Variants in PPP2R2B observed in about 807,000 individuals in gnomAD.
PPP2R2B encodes serine/threonine-protein phosphatase 2A 55 kDa regulatory subunit B beta isoform.
PPP2R2B carries 5 observed loss-of-function variants against 46.0 expected under a neutral mutation model. The ratio of observed to expected loss-of-function variants is 0.11; its 90% confidence interval spans 0.06 to 0.23. The LOEUF (loss-of-function observed/expected upper bound fraction) is 0.23, where lower values mean the gene tolerates loss of function less well. Among genes scored for constraint, PPP2R2B ranks in the 10% least tolerant of loss-of-function variants. The pLI is 1.00. For missense variants in PPP2R2B, 367 were observed against 575.0 expected (o/e 0.64, Z 3.70); for synonymous variants, 215 against 206.7 (o/e 1.04, Z -0.34).
At chr5:147,048,703 A>G (rs139245688) in intron 1 of PPP2R2B, among the ~76,000 whole-genome samples, 78 of 152,294 alleles carry the variant, frequency 5.1e-4, no homozygotes, top group African/African-American at 1.9e-3. Context: ...TGAGTAATGG[A>G]AGGTCATCCA....
At chr5:146,756,196 C>T (rs1230486987) in intron 2 of PPP2R2B, among the ~76,000 whole-genome samples, 1 of 152,106 alleles carries the variant, frequency 6.6e-6, no homozygotes, top group Non-Finnish European at 1.5e-5. Context: ...TTCCATAGAG[C>T]TTGGGAATAA....
chr5:146,928,212 G>A (rs970439077), intron 1 of PPP2R2B, among the ~76,000 whole-genome samples: 1 of 151,818 alleles, frequency 6.6e-6, no homozygotes, highest in African/African-American at 2.4e-5. Context: ...TATTCCTTTG[G>A]TGATTTCATC....
intron 1 of PPP2R2B, among the ~76,000 whole-genome samples, chr5:146,972,070 C>T (rs1259964506): frequency 6.6e-6 from 1 of 152,168 alleles, no homozygotes; most frequent in African/African-American, 2.4e-5. Context: ...TCTCCTTAGT[C>T]TCACCTGGTT....
At chr5:146,863,319 C>CTAA (rs1463993226) in intron 2 of PPP2R2B, among the ~76,000 whole-genome samples, 1 of 152,064 alleles carries the variant, frequency 6.6e-6, no homozygotes, top group African/African-American at 2.4e-5. Context: ...CTAAACTGTC[C>CTAA]TAATCTCTTC....
chr5:146,892,210 G>A (rs1483701729), intron 1 of PPP2R2B, among the ~76,000 whole-genome samples: 1 of 152,192 alleles, frequency 6.6e-6, no homozygotes, highest in African/African-American at 2.4e-5. Flanking sequence ...AGACTTAGAA[G>A]AGCAAAGGTC....
chr5:147,066,887 G>A (rs912302229), intron 2 of PPP2R2B, among the ~76,000 whole-genome samples: 3 of 152,086 alleles, frequency 2.0e-5, no homozygotes, highest in Non-Finnish European at 4.4e-5. Flanking sequence ...CTGCTGATGT[G>A]ATTAGCCTGG....
At chr5:146,792,227 T>A (rs1356613080) in intron 2 of PPP2R2B, among the ~76,000 whole-genome samples, 1 of 152,200 alleles carries the variant, frequency 6.6e-6, no homozygotes, top group African/African-American at 2.4e-5. Flanking sequence ...TAATTTTTGA[T>A]TAAGCAAACT....
At chr5:147,022,413 T>C (rs959002177) in intron 1 of PPP2R2B, among the ~76,000 whole-genome samples, 1 of 149,104 alleles carries the variant, frequency 6.7e-6, no homozygotes, top group Non-Finnish European at 1.5e-5. Context: ...AAAAAAAAAA[T>C]TGTTGGGTGT....
intron 2 of PPP2R2B, among the ~76,000 whole-genome samples, chr5:146,802,742 G>A (rs1000406746): frequency 2.6e-5 from 4 of 152,164 alleles, no homozygotes; most frequent in African/African-American, 9.7e-5. Context: ...ATATCATGGT[G>A]GGGATGGGAT....
chr5:146,756,669 G>A (rs542413619), intron 2 of PPP2R2B, among the ~76,000 whole-genome samples: 1 of 152,282 alleles, frequency 6.6e-6, no homozygotes, highest in Admixed American at 6.5e-5. Context: ...TTTCTTATCT[G>A]AAAAATGGGG....
chr5:146,901,823 G>A (rs1422457342), intron 1 of PPP2R2B, among the ~76,000 whole-genome samples: 2 of 152,110 alleles, frequency 1.3e-5, no homozygotes, highest in African/African-American at 2.4e-5. Context: ...TGTGATGAGT[G>A]GTTGCATTAG....
intron 1 of PPP2R2B, among the ~76,000 whole-genome samples, chr5:146,993,277 CTA>C (rs1400601685): frequency 6.6e-6 from 1 of 150,604 alleles, no homozygotes; most frequent in Non-Finnish European, 1.5e-5. Context: ...GGGTCTCGCA[CTA>C]TCACCCAGGC....
intron 2 of PPP2R2B, among the ~76,000 whole-genome samples, chr5:146,711,557 A>C (rs545837668): frequency 6.6e-6 from 1 of 152,332 alleles, no homozygotes; most frequent in Non-Finnish European, 1.5e-5. Context: ...AATAACAGGA[A>C]GAGAAAGCAG....
intron 2 of PPP2R2B, among the ~76,000 whole-genome samples, chr5:146,756,761 T>C (rs1470767993): frequency 6.6e-6 from 1 of 152,224 alleles, no homozygotes; most frequent in Non-Finnish European, 1.5e-5. Context: ...AAAGAATGCC[T>C]GATGCATAGT....
chr5:146,842,916 C>T (rs772339865), intron 2 of PPP2R2B, among the ~76,000 whole-genome samples: 33 of 152,306 alleles, frequency 2.2e-4, no homozygotes, highest in Middle Eastern at 6.8e-3. Context: ...TGGCTGGGCG[C>T]GGTGGCTCAC....
intron 1 of PPP2R2B, among the ~76,000 whole-genome samples, chr5:147,047,682 CT>C (rs1419341426): frequency 6.6e-6 from 1 of 152,050 alleles, no homozygotes; most frequent in Non-Finnish European, 1.5e-5. Context: ...AATAAAATGA[CT>C]TTCTGTGTAT....
chr5:147,070,764 T>C (rs1049547448), intron 2 of PPP2R2B, among the ~76,000 whole-genome samples: 8 of 152,134 alleles, frequency 5.3e-5, no homozygotes, highest in African/African-American at 1.7e-4. Flanking sequence ...ACATCCTCAT[T>C]CCTTGCTGCA....
intron 2 of PPP2R2B, among the ~76,000 whole-genome samples, chr5:147,071,674 T>C (rs1757604668): frequency 6.6e-6 from 1 of 152,192 alleles, no homozygotes; most frequent in Non-Finnish European, 1.5e-5. Context: ...TGCTCAAATG[T>C]CATCTTTTGC....
intron 2 of PPP2R2B, among the ~76,000 whole-genome samples, chr5:146,826,599 C>T (rs1758594524): frequency 6.6e-6 from 1 of 152,192 alleles, no homozygotes; most frequent in Admixed American, 6.5e-5. Flanking sequence ...CATGAACCAA[C>T]TAGAACTTAC....
Sources: allele counts gnomAD v4.1 joint callset (sites outside exome capture counted in the v4.1 genomes callset), GRCh38; gene constraint gnomAD v4.1.1; transcripts MANE v1.5; gene names NCBI Gene and HGNC (gene_info 2026-07-23, HGNC 2026-07-21).